The following CFAP61 variants were observed in gnomAD, a reference collection of about 807,000 sequenced individuals.
The protein encoded by CFAP61 is cilia- and flagella-associated protein 61.
In CFAP61, 107 loss-of-function variants were observed where a neutral mutation model predicts 135.6. The ratio of observed to expected loss-of-function variants is 0.79; its 90% CI spans 0.67 to 0.93. The LOEUF is 0.93. Ranked by LOEUF, CFAP61 falls within the 40% of genes least tolerant of loss-of-function variation. The pLI is 0.00. For synonymous variants in CFAP61, 575 were observed against 578.5 expected, an observed-to-expected ratio of 0.99 and a Z score of 0.09; for missense variants, 1,507 against 1,556.2, an observed-to-expected ratio of 0.97 and a Z score of 0.53.
intron 25 of CFAP61, among the ~76,000 whole-genome samples, chr20:20,306,701 C>T (rs947568246): frequency 1.3e-5 from 2 of 152,186 alleles, no homozygotes; most frequent in South Asian, 2.1e-4. Context: ...ACTGAGTCAA[C>T]GTGCACTCCC....
At chr20:20,136,548 C>A (rs1189001502) in intron 8 of CFAP61, among the ~76,000 whole-genome samples, 2 of 152,064 alleles carry the variant, frequency 1.3e-5, no homozygotes, top group Non-Finnish European at 2.9e-5. Flanking sequence ...TTCATTATGT[C>A]AGTTGCATTT....
Position 20,098,719 on chromosome 20 carries a change from A to G in CFAP61, c.764A>G (p.Glu255Gly), listed in dbSNP as rs779564728. ...CSRVNMQLLH[E>G]CFDLGPFHGL... is the part of the protein sequence containing the mutation. ...AGAGTGAACATGCAACTGCTGCATG[A>G]GTGCTTTGACTTGGGCCCTTTCCAC... is the stretch of plus-strand genomic sequence containing the variant. Residue 255 changes from glutamate (E) to glycine (G), a missense_variant, in exon 8 of 27, where the codon GAG (glutamate) becomes GGG (glycine). Coordinates refer to ENST00000245957, the MANE Select transcript of CFAP61 (RefSeq NM_015585.4). 13 of 1,613,590 alleles carry G rather than the reference A, an allele frequency of 8.1e-6. No homozygotes were observed. The highest frequency in any genetic ancestry group is 1.1e-5 in the Non-Finnish European group (13 of 1,179,864).
intron 13 of CFAP61, among the ~76,000 whole-genome samples, chr20:20,169,795 A>T (rs1488706139): frequency 2.0e-5 from 3 of 152,180 alleles, no homozygotes; most frequent in Non-Finnish European, 4.4e-5. Context: ...GAGTGTGTGT[A>T]TATAATACAT....
chr20:20,214,419 A>G (rs2047890552), intron 17 of CFAP61: 1 of 152,192 alleles, frequency 6.6e-6, no homozygotes, highest in African/African-American at 2.4e-5. Context: ...CCCCCTCCTC[A>G]GTCTGACCAG....
rs1403632067 is a variant in CFAP61 at position 20,225,312 on chromosome 20, G to A, written c.1933-2937G>A. On this transcript the variant is annotated intron_variant, in intron 17 of 26. Coordinates refer to ENST00000245957, the MANE Select transcript of CFAP61 (RefSeq NM_015585.4). ...AGGTCAGAAGACTTCATCATACCTGGCGATGGATATGTTTTTAATTAAAAC... is the reference window on the plus strand; with the variant it reads ...AGGTCAGAAGACTTCATCATACCTGACGATGGATATGTTTTTAATTAAAAC... The A allele has an allele frequency of 2.0e-5, 3 of 152,236 alleles. No individual in the cohort carries two copies. The East Asian group carries it at 5.8e-4, about 29-fold the overall frequency. The allele number at this position is 152,236 out of a possible 1,614,324, so 9.4% of individuals were successfully genotyped here. A position where few individuals can be genotyped will look rare whatever the true frequency, so the allele number is the denominator to read the frequency against.
At chr20:20,251,462 T>C (rs2050896551) in intron 19 of CFAP61, 133 bp from the exon 20 acceptor site, 7 of 738,080 alleles carry the variant, frequency 9.5e-6, no homozygotes, top group Non-Finnish European at 1.6e-5. Flanking sequence ...AATCTCCTAG[T>C]ATCAGTCCTG....
At chr20:20,114,546 A>G (rs911996903) in intron 8 of CFAP61, among the ~76,000 whole-genome samples, 5 of 152,178 alleles carry the variant, frequency 3.3e-5, no homozygotes, top group Admixed American at 6.5e-5. Flanking sequence ...TATTGTAAAT[A>G]TCTTTTAAAA....
rs1171538174 is a variant in CFAP61, at chr20:20,320,517, A to ATG, written c.3423-21313_3423-21312insGT. On this transcript the variant is annotated intron_variant, in intron 25 of 26. Transcript: ENST00000245957. Reference sequence around the variant, plus strand: ...GTAATATATATTATATATGTAATATATAATATATATTATATATGTAATATA... The same window carrying ATG: ...GTAATATATATTATATATGTAATATATGTAATATATATTATATATGTAATATA... 4.9e-3 allele frequency among the ~76,000 whole-genome samples: 129 copies of ATG among 26,314 alleles called. 32 individuals carry two copies. Among genetic ancestry groups the ATG allele is most frequent in the African/African-American group, 0.02 (122 of 6,006 alleles). The allele number at this position is 26,314 out of a possible 152,430, so 17.3% of individuals were successfully genotyped here.
intron 21 of CFAP61, among the ~76,000 whole-genome samples, chr20:20,273,381 A>G (rs1441361453): frequency 2.0e-5 from 3 of 152,326 alleles, no homozygotes; most frequent in East Asian, 3.9e-4. Flanking sequence ...TAAGGGGAAC[A>G]TATTTCTATC....
At chr20:20,270,227 T>C (rs537302747) in intron 21 of CFAP61, among the ~76,000 whole-genome samples, 77 of 152,174 alleles carry the variant, frequency 5.1e-4, no homozygotes, top group Non-Finnish European at 9.7e-4. Flanking sequence ...CTTATACTCT[T>C]GAGATCTAAC....
At chr20:20,355,645 A>G (rs564865106) in intron 26 of CFAP61, among the ~76,000 whole-genome samples, 5 of 125,490 alleles carry the variant, frequency 4.0e-5, no homozygotes, top group Admixed American at 8.1e-5. Flanking sequence ...AAGGGGAGGT[A>G]GTCACACTGT....
intron 22 of CFAP61, among the ~76,000 whole-genome samples, chr20:20,278,101 G>T (rs1250894069): frequency 1.3e-5 from 2 of 152,224 alleles, no homozygotes; most frequent in East Asian, 3.8e-4. Context: ...GATTTGAATG[G>T]AGAGCGCTTC....
intron 8 of CFAP61, among the ~76,000 whole-genome samples, chr20:20,135,243 G>T (rs2050834304): frequency 6.6e-6 from 1 of 152,176 alleles, no homozygotes; most frequent in Non-Finnish European, 1.5e-5. Flanking sequence ...GCATAGGCCT[G>T]CTGACACCTT....
At chr20:20,061,108 TA>T (rs1427155700) in intron 2 of CFAP61, among the ~76,000 whole-genome samples, 6 of 152,098 alleles carry the variant, frequency 3.9e-5, no homozygotes, top group African/African-American at 1.2e-4. Flanking sequence ...GAACAGATAA[TA>T]AAGACTGTTA....
At chr20:20,142,642 A>T (rs989517803) in intron 8 of CFAP61, among the ~76,000 whole-genome samples, 3 of 152,144 alleles carry the variant, frequency 2.0e-5, no homozygotes, top group Non-Finnish European at 4.4e-5. Flanking sequence ...AGAGAGGTGG[A>T]GGGAGGGAGG....
intron 14 of CFAP61, among the ~76,000 whole-genome samples, chr20:20,190,478 G>C (rs1298785934): frequency 6.6e-6 from 1 of 152,134 alleles, no homozygotes; most frequent in African/African-American, 2.4e-5. Context: ...GGGGACAGAG[G>C]GGGCAACTCA....
intron 22 of CFAP61, among the ~76,000 whole-genome samples, chr20:20,286,996 T>C (rs1486676712): frequency 6.6e-6 from 1 of 152,200 alleles, no homozygotes; most frequent in Non-Finnish European, 1.5e-5. Context: ...ATAGCACTGT[T>C]TTTATTTATA....
intron 25 of CFAP61, among the ~76,000 whole-genome samples, chr20:20,304,445 C>G (rs1301392337): frequency 6.6e-6 from 1 of 151,848 alleles, no homozygotes; most frequent in Non-Finnish European, 1.5e-5. Context: ...TACTAAAAAT[C>G]TTCCTTTCCC....
chr20:20,273,608 C>T (rs115095330), intron 21 of CFAP61, among the ~76,000 whole-genome samples: 1,844 of 152,330 alleles, frequency 0.012, 35 homozygotes, highest in African/African-American at 0.041. Flanking sequence ...ATCCATGTAT[C>T]TGGTCAGGAA....
Sources: allele counts gnomAD v4.1 joint callset (sites outside exome capture counted in the v4.1 genomes callset), GRCh38; gene constraint gnomAD v4.1.1; transcripts MANE v1.5; gene names NCBI Gene and HGNC (gene_info 2026-07-23, HGNC 2026-07-21).